COL22A1: variants seen among roughly 807,000 people sequenced by gnomAD.
COL22A1 encodes the protein collagen type XXII alpha 1 chain.
A neutral mutation model predicts 248.9 loss-of-function variants in COL22A1; 221 were observed. The observed-to-expected ratio is 0.89, with a 90% confidence interval of 0.80 to 0.99. The LOEUF is 0.99. COL22A1 is among the 50% of genes least tolerant of loss of function. The pLI is 0.00. For missense variants in COL22A1, 2,240 were observed against 2,179.0 expected, an observed-to-expected ratio of 1.03 and a Z score of -0.56; for synonymous variants, 891 against 793.4, an observed-to-expected ratio of 1.12 and a Z score of -2.07.
intron 62 of COL22A1, among the ~76,000 whole-genome samples, 181 bp from the exon 63 acceptor site, chr8:138,594,380 C>T (rs1009268762): frequency 6.6e-6 from 1 of 152,014 alleles, no homozygotes; most frequent in Non-Finnish European, 1.5e-5. Context: ...GCAGAAACAA[C>T]ATCAATGACA....
intron 16 of COL22A1, among the ~76,000 whole-genome samples, chr8:138,771,587 G>A (rs996796576): frequency 3.9e-5 from 6 of 152,152 alleles, no homozygotes; most frequent in African/African-American, 1.2e-4. Context: ...AACGTCCAAC[G>A]CTACATGGAA....
At chr8:138,625,674 A>G (rs958413004) in intron 51 of COL22A1, among the ~76,000 whole-genome samples, 1 of 152,224 alleles carries the variant, frequency 6.6e-6, no homozygotes, top group Admixed American at 6.5e-5. Flanking sequence ...TGCATACAAA[A>G]TTGTCCGTTG....
In COL22A1 at chr8:138,653,359, C is replaced by G. The variant is rs552853780; in HGVS notation, c.3333+2538G>C. Among the ~76,000 whole-genome samples, 7 of 152,202 alleles carry G rather than the reference C, an allele frequency of 4.6e-5. No homozygotes were observed. The East Asian group carries it at 1.2e-3, about 25-fold the overall frequency. On this transcript the variant is annotated intron_variant, in intron 45 of 64. Coordinates refer to ENST00000303045, the MANE Select transcript of COL22A1 (RefSeq NM_152888.3). ...ATAGCTGTCAGGAAGTTCTGGCTCACGTAAAGATGAATCGGATAGTAGAGA... is the reference window on the plus strand; with the variant it reads ...ATAGCTGTCAGGAAGTTCTGGCTCAGGTAAAGATGAATCGGATAGTAGAGA...
At chr8:138,683,880 T>C (rs1826140039) in intron 39 of COL22A1, among the ~76,000 whole-genome samples, 1 of 152,174 alleles carries the variant, frequency 6.6e-6, no homozygotes, top group Non-Finnish European at 1.5e-5. Flanking sequence ...AAAGTCAGTG[T>C]CTCCCACCAC....
At chr8:138,747,781 T>C (rs1236396094) in intron 22 of COL22A1, among the ~76,000 whole-genome samples, 2 of 152,072 alleles carry the variant, frequency 1.3e-5, no homozygotes, top group Admixed American at 6.5e-5. Context: ...GAAATGTTTG[T>C]TGAATGGATG....
rs900283495 is a variant in COL22A1, at chr8:138,589,344, C to G, written c.4790G>C (p.Gly1597Ala). ...ACATTGGCCTGGGGGACCGGGAGGT[C>G]CTGGGAGGCCAGGATGTCCAGCTGG... ...TGPAGHPGLP[G>A]PPGPPGQCDP... The change falls in exon 65 of 65, where the codon GGA becomes GCA. Residue 1597 changes from glycine to alanine, a missense_variant. Gly to Ala is a moderately conservative substitution (Grantham distance 60, BLOSUM62 0). Coordinates refer to ENST00000303045, the MANE Select transcript of COL22A1 (RefSeq NM_152888.3). 6.2e-7 allele frequency: 1 copy of G among 1,611,644 alleles called. No individual in the cohort carries two copies. The highest frequency in any genetic ancestry group is 8.5e-7 in the Non-Finnish European group (1 of 1,178,938).
At chr8:138,740,642 G>T in intron 22 of COL22A1, among the ~76,000 whole-genome samples, 1 of 152,146 alleles carries the variant, frequency 6.6e-6, no homozygotes, top group East Asian at 1.9e-4. Flanking sequence ...AGTAGGAGGC[G>T]CGTGGTAGAC....
Position 138,779,454 on chromosome 8 carries a change from A to T in COL22A1, c.1704+55T>A, listed in dbSNP as rs189499614. The stretch of plus-strand genomic sequence containing the variant: ...CTGCACCTAAAGCAACTGGCTTTGC[A>T]CTGGGCCTTGTCCCCTGGGAGCATC... On this transcript the variant is annotated intron_variant, in intron 14 of 64. Transcript: ENST00000303045. 1,121 of 1,301,480 alleles carry T rather than the reference A, an allele frequency of 8.6e-4. 3 individuals are homozygous for T. The highest frequency in any genetic ancestry group is 1.1e-3 in the Non-Finnish European group (1,011 of 896,294). The allele number at this position is 1,301,480 out of a possible 1,614,324, so 80.6% of individuals were successfully genotyped here. A position where few individuals can be genotyped will look rare whatever the true frequency, so the allele number is the denominator to read the frequency against.
At position 138,807,333 on chromosome 8, in the gene COL22A1, C is replaced by G. The variant is rs1318221074; in HGVS notation, c.1494+435G>C. Among the ~76,000 whole-genome samples, 3 of 152,262 alleles carry G rather than the reference C, an allele frequency of 2.0e-5. No individual in the cohort carries two copies. In the East Asian group the frequency reaches 5.8e-4, roughly 29 times the overall value. On this transcript the variant is annotated intron_variant, in intron 10 of 64. Transcript: ENST00000303045. ...AATGAGACCACTCTGTGACTGAGGA[C>G]AGAGGGGCCCTACCTGGCTTGGTGC...
chr8:138,737,703 C>T (rs997475120), intron 22 of COL22A1, 126 bp from the exon 23 acceptor site: 4 of 654,804 alleles, frequency 6.1e-6, no homozygotes, highest in African/African-American at 1.8e-5. Context: ...ACAATTGTCC[C>T]TCAGGAGTGC....
rs199600842 is a variant in COL22A1 at position 138,807,759 on chromosome 8, T to G, written c.1494+9A>C. 4.7e-4 allele frequency: 764 copies of G among 1,613,672 alleles called. No homozygotes were observed. Among genetic ancestry groups the G allele is most frequent in the Non-Finnish European group, 6.1e-4 (715 of 1,179,600 alleles). On this transcript the variant is annotated intron_variant, in intron 10 of 64. Transcript: ENST00000303045. ...TTCTAAACTACACCTCTGCCATGCC[T>G]GTACTGACCTTTGGACCAGGGAGCC...
At chr8:138,847,871 T>C (rs574141604) in intron 3 of COL22A1, among the ~76,000 whole-genome samples, 72 of 152,240 alleles carry the variant, frequency 4.7e-4, no homozygotes, top group Non-Finnish European at 3.8e-4. Context: ...GTTGAGTGCA[T>C]TCCAAATTTG....
rs1456459469 is a variant in COL22A1, at chr8:138,649,696, T to A, written c.3416A>T (p.Lys1139Met). 7 of 1,613,566 alleles carry A rather than the reference T, an allele frequency of 4.3e-6. No homozygotes were observed. In the South Asian group the frequency reaches 7.7e-5, roughly 18 times the overall value. The change falls in exon 46 of 65, where the codon AAG becomes ATG. Residue 1139 changes from lysine to methionine, a missense_variant. By Grantham distance (95) the Lys-to-Met change is moderately conservative (BLOSUM62 -1). Coordinates refer to ENST00000303045, the MANE Select transcript of COL22A1 (RefSeq NM_152888.3). Reference sequence around the variant, plus strand: ...CCCTTCTGTGCCTTCTCTCCCTGGCTTTCCTGGGACACCTTTGTCCCCTTT... The same window carrying A: ...CCCTTCTGTGCCTTCTCTCCCTGGCATTCCTGGGACACCTTTGTCCCCTTT... ...GFKGDKGVPG[K>M]PGREGTEGKK...
intron 45 of COL22A1, among the ~76,000 whole-genome samples, chr8:138,650,107 G>A (rs1291177328): frequency 2.0e-5 from 3 of 152,190 alleles, no homozygotes; most frequent in Non-Finnish European, 2.9e-5. Flanking sequence ...TCTGTGAGCA[G>A]CTGAAAACAT....
intron 36 of COL22A1, among the ~76,000 whole-genome samples, chr8:138,689,268 C>T (rs181966693): frequency 1.2e-4 from 19 of 152,152 alleles, no homozygotes; most frequent in Non-Finnish European, 2.1e-4. Context: ...GAAGGCGTGG[C>T]CTGGCACAGT....
chr8:138,866,164 C>T (rs1402974251), intron 3 of COL22A1, among the ~76,000 whole-genome samples: 1 of 152,186 alleles, frequency 6.6e-6, no homozygotes, highest in Non-Finnish European at 1.5e-5. Flanking sequence ...ACTTGTTTTC[C>T]TTCAGTCTTC....
chr8:138,764,293 G>C (rs948476617), intron 16 of COL22A1, among the ~76,000 whole-genome samples: 1 of 152,198 alleles, frequency 6.6e-6, no homozygotes, highest in African/African-American at 2.4e-5. Flanking sequence ...TCCTTGTGTG[G>C]CTGCTCCTAT....
intron 12 of COL22A1, 57 bp downstream of exon 12, chr8:138,796,762 A>T (rs1816574280): frequency 8.3e-7 from 1 of 1,204,726 alleles, no homozygotes; most frequent in Non-Finnish European, 1.2e-6. Flanking sequence ...ACCTCCCCCA[A>T]ACCTAAGTCC....
chr8:138,831,638 G>A (rs1030095281), intron 5 of COL22A1, among the ~76,000 whole-genome samples: 1 of 152,124 alleles, frequency 6.6e-6, no homozygotes, highest in Non-Finnish European at 1.5e-5. Context: ...CCTCCCAGTG[G>A]GAGGAGGATG....
Sources: allele counts gnomAD v4.1 joint callset (sites outside exome capture counted in the v4.1 genomes callset), GRCh38; gene constraint gnomAD v4.1.1; transcripts MANE v1.5; gene names NCBI Gene and HGNC (gene_info 2026-07-23, HGNC 2026-07-21).